The following ARHGEF39 variants were observed in gnomAD, a reference collection of about 807,000 sequenced individuals.
The protein encoded by ARHGEF39 is Rho guanine nucleotide exchange factor 39, also known as Rho guanine nucleotide exchange factor (GEF) 39.
Under a neutral mutation model 47.5 loss-of-function variants are expected in ARHGEF39, and 45 were observed. The observed-to-expected ratio is 0.95, with a 90% confidence interval of 0.75 to 1.22. ARHGEF39 has a LOEUF of 1.22. Among genes scored for constraint, ARHGEF39 ranks in the 50% most tolerant of loss-of-function variants. ARHGEF39 has a pLI of 0.00. For synonymous variants in ARHGEF39, 164 were observed against 167.8 expected, an observed-to-expected ratio of 0.98 and a Z score of 0.17; for missense variants, 411 against 425.3, an observed-to-expected ratio of 0.97 and a Z score of 0.30.
In ARHGEF39 at chr9:35,660,821, T is replaced by G. The variant is rs533224381; in HGVS notation, c.*1166A>C. ...GGACCATCCACGAGCTGCTGCAAGA[T>G]AGCAAGCCGGACAAGGATATGGAGG... On this transcript the variant is annotated 3_prime_UTR_variant, in exon 9 of 9. Transcript: ENST00000378387. 6.2e-7 allele frequency: 1 copy of G among 1,614,160 alleles called. No homozygotes were observed. The highest frequency in any genetic ancestry group is 8.5e-7 in the Non-Finnish European group (1 of 1,180,038).
chr9:35,661,065 G>A lies in ARHGEF39; in HGVS notation c.*922C>T, dbSNP rs763277783. 5 of 1,614,218 alleles carry A rather than the reference G, an allele frequency of 3.1e-6. No homozygotes were observed. In the South Asian group the frequency reaches 3.3e-5, roughly 11 times the overall value. ...GACATGGAACCTAGCTACTTCCTGG[G>A]AGGTGGGGCGGGGACTACGGAGAAG... On this transcript the variant is annotated 3_prime_UTR_variant, in exon 9 of 9. Transcript: ENST00000378387.
rs12351182 is a variant in ARHGEF39, at chr9:35,664,137, G to A, written c.355-11C>T. 0.032 allele frequency: 51,099 copies of A among 1,611,670 alleles called. 1,750 individuals are homozygous for A. The highest frequency in any genetic ancestry group is 0.17 in the African/African-American group (12,361 of 74,910). ...TTTCTTTAGCTGCTCCTGGAGTGAG[G>A]GAGAAAGGATTGGAAGCAGGGAGAG... is the stretch of plus-strand genomic sequence containing the variant. On this transcript the variant is annotated splice_polypyrimidine_tract_variant and intron_variant, in intron 3 of 8. Transcript: ENST00000378387.
chr9:35,663,162 G>A (rs1824060306), intron 5 of ARHGEF39, 88 bp from the exon 6 acceptor site: 2 of 1,601,590 alleles, frequency 1.2e-6, no homozygotes, highest in Admixed American at 1.7e-5. Context: ...AAGGGACCAG[G>A]GTCAGGGTCT....
intron 5 of ARHGEF39, 77 bp downstream of exon 5, chr9:35,663,245 A>G (rs1437418506): frequency 5.1e-6 from 8 of 1,571,132 alleles, no homozygotes; most frequent in Non-Finnish European, 7.0e-6. Context: ...CATACCAGAC[A>G]TTGTTGGAGG....
At position 35,660,750 on chromosome 9, in the gene ARHGEF39, A is replaced by G; in HGVS notation, c.*1237T>C. 6.2e-7 allele frequency: 1 copy of G among 1,613,914 alleles called. No homozygotes were observed. The highest frequency in any genetic ancestry group is 8.5e-7 in the Non-Finnish European group (1 of 1,179,832). Reference sequence around the variant, plus strand: ...ACTGAGTGGACATTTCTTCAGTGTGACTACTCTGGCTGGAGCCCAGCAGGA... The same window carrying G: ...ACTGAGTGGACATTTCTTCAGTGTGGCTACTCTGGCTGGAGCCCAGCAGGA... On this transcript the variant is annotated 3_prime_UTR_variant, in exon 9 of 9. Transcript: ENST00000378387.
At position 35,661,265 on chromosome 9, in the gene ARHGEF39, T is replaced by C. The variant is rs1349064791; in HGVS notation, c.*722A>G. ...TAGGTGCCTAAGGACAACTGGGCCT[T>C]CTTGAAGAGCTGTCCTTATTAGGAC... On this transcript the variant is annotated 3_prime_UTR_variant, in exon 9 of 9. Transcript: ENST00000378387. The C allele has an allele frequency of 2.0e-6, 2 of 1,017,850 alleles. No individual in the cohort carries two copies. The highest frequency in any genetic ancestry group is 3.2e-5 in the African/African-American group (2 of 61,920). 63.1% of individuals were successfully genotyped at this position (1,017,850 alleles called of 1,614,324 possible). A position where few individuals can be genotyped will look rare whatever the true frequency, so the allele number is the denominator to read the frequency against.
Position 35,664,384 on chromosome 9 carries a change from C to A in ARHGEF39, c.342G>T (p.Gln114His). 6.2e-7 allele frequency: 1 copy of A among 1,611,256 alleles called. No individual in the cohort carries two copies. The highest frequency in any genetic ancestry group is 8.5e-7 in the Non-Finnish European group (1 of 1,178,626). ...NQFAANSERS[Q>H]TTLQEQLKKN... ...ATCTCCAGGTTACCTGCAGGGTGGT[C>A]TGGGACCTCTCTGAGTTGGCAGCAA... The change falls in exon 3 of 9, where the codon CAG (glutamine) becomes CAT (histidine). Residue 114 changes from glutamine to histidine, a missense_variant. Gln to His is a conservative substitution (Grantham distance 24, BLOSUM62 0). Coordinates refer to ENST00000378387, the MANE Select transcript of ARHGEF39 (RefSeq NM_032818.3).
Position 35,662,450 on chromosome 9 carries a change from A to C in ARHGEF39, c.903+62T>G. On this transcript the variant is annotated intron_variant, in intron 7 of 8. Transcript: ENST00000378387. ...ATGAAAAGGGACCCAGACCAGGGAG[A>C]TAAACCAGCCCATAAGCATCTGAGA... is the stretch of plus-strand genomic sequence containing the variant. The C allele has an allele frequency of 3.3e-6, 5 of 1,532,738 alleles. 1 individual carries two copies. Among genetic ancestry groups the C allele is most frequent in the Non-Finnish European group, 4.4e-6 (5 of 1,126,210 alleles). The allele number at this position is 1,532,738 out of a possible 1,614,324, so 94.9% of individuals were successfully genotyped here.
intron 5 of ARHGEF39, 107 bp from the exon 6 acceptor site, chr9:35,663,181 G>T: frequency 1.9e-6 from 3 of 1,583,750 alleles, no homozygotes; most frequent in Non-Finnish European, 2.6e-6. Flanking sequence ...CTGACTTCTT[G>T]AAGAAAAGGC....
chr9:35,664,683 G>T, intron 2 of ARHGEF39, 73 bp downstream of exon 2: 1 of 1,519,528 alleles, frequency 6.6e-7, no homozygotes, highest in South Asian at 1.3e-5. Flanking sequence ...ACCTAAGTCT[G>T]ACTCCAAGCT....
In ARHGEF39 at chr9:35,660,360, C is replaced by G. The variant is rs1010088209; in HGVS notation, c.*1627G>C. ...TGGAGACTGAGGTGATGGAGCAGAA[C>G]CTTGTTGCTTCAGTACTGCCCTTTC... On this transcript the variant is annotated 3_prime_UTR_variant, in exon 9 of 9. Coordinates refer to ENST00000378387, the MANE Select transcript of ARHGEF39 (RefSeq NM_032818.3). The G allele has an allele frequency of 6.5e-7, 1 of 1,528,728 alleles. No individual in the cohort carries two copies. Among genetic ancestry groups the G allele is most frequent in the Non-Finnish European group, 8.8e-7 (1 of 1,134,090 alleles). 94.7% of individuals were successfully genotyped at this position (1,528,728 alleles called of 1,614,324 possible).
At chr9:35,663,595 C>T (rs1338065512) in intron 4 of ARHGEF39, among the ~76,000 whole-genome samples, 3 of 152,150 alleles carry the variant, frequency 2.0e-5, no homozygotes. Flanking sequence ...TGAAGAGTCA[C>T]TGGCAGACTA....
rs1451895820 is a variant in ARHGEF39, at chr9:35,665,193, T to G, written c.-24A>C. 6.9e-7 allele frequency: 1 copy of G among 1,453,010 alleles called. No homozygotes were observed. Among genetic ancestry groups the G allele is most frequent in the Non-Finnish European group, 9.1e-7 (1 of 1,100,008 alleles). The allele number at this position is 1,453,010 out of a possible 1,614,324, so 90.0% of individuals were successfully genotyped here. A position where few individuals can be genotyped will look rare whatever the true frequency, so the allele number is the denominator to read the frequency against. On this transcript the variant is annotated 5_prime_UTR_variant, in exon 1 of 9. Coordinates refer to ENST00000378387, the MANE Select transcript of ARHGEF39 (RefSeq NM_032818.3). ...ATGCCCTGGCTGAGGGATCGACACTTCCGGCTGCAGTCCGCGGCAGATTCA... is the reference window on the plus strand; with the variant it reads ...ATGCCCTGGCTGAGGGATCGACACTGCCGGCTGCAGTCCGCGGCAGATTCA...
At position 35,662,205 on chromosome 9, in the gene ARHGEF39, C is replaced by T. The variant is rs755980580; in HGVS notation, c.966G>A (p.Trp322Ter). The T allele has an allele frequency of 1.2e-6, 2 of 1,614,144 alleles. No homozygotes were observed. Among genetic ancestry groups the T allele is most frequent in the South Asian group, 2.2e-5 (2 of 91,082 alleles). ...TGATAGCCCAAGTCAGACTGTGGTA[C>T]CAGCGTGACAGCTCCTCCTGGTCTG... is the stretch of plus-strand genomic sequence containing the variant. ...MSTDQEELSRWYHSLTWAISS... is the reference protein window; with the variant it reads ...MSTDQEELSR The change falls in exon 8 of 9, where the codon TGG becomes TGA. Residue 322 changes from tryptophan (W) to a stop codon, truncating the protein, a stop_gained. Coordinates refer to ENST00000378387, the MANE Select transcript of ARHGEF39 (RefSeq NM_032818.3). LOFTEE classifies it high-confidence loss of function.
intron 5 of ARHGEF39, 123 bp from the exon 6 acceptor site, chr9:35,663,197 A>G (rs774784957): frequency 1.9e-6 from 3 of 1,563,046 alleles, no homozygotes; most frequent in African/African-American, 1.4e-5. Context: ...AAGGCAGAGC[A>G]GTAGGGACAC....
In ARHGEF39 at chr9:35,661,429, G is replaced by A; in HGVS notation, c.*558C>T. The A allele has an allele frequency of 2.2e-6, 1 of 455,708 alleles. No homozygotes were observed. 28.2% of individuals were successfully genotyped at this position (455,708 alleles called of 1,614,324 possible). A position where few individuals can be genotyped will look rare whatever the true frequency, so the allele number is the denominator to read the frequency against. On this transcript the variant is annotated 3_prime_UTR_variant, in exon 9 of 9. Transcript: ENST00000378387. ...TTCTCATAGCAAAACTGAGACAGAA[G>A]GGTCTTTCCCAAAAAAAAGAAAAAA...
At chr9:35,664,697 T>C (rs927268017) in intron 2 of ARHGEF39, 59 bp downstream of exon 2, 2 of 1,548,748 alleles carry the variant, frequency 1.3e-6, no homozygotes, top group East Asian at 2.3e-5. Context: ...CCAAGCTCTG[T>C]GCACGGCCAC....
At position 35,661,141 on chromosome 9, in the gene ARHGEF39, G is replaced by A. The variant is rs1202553060; in HGVS notation, c.*846C>T. Reference sequence around the variant, plus strand: ...CCCAGTCACAGCCTTGGCTGGGAAGGAGGGACGACAGCTGAAGGTCGACTA... The same window carrying A: ...CCCAGTCACAGCCTTGGCTGGGAAGAAGGGACGACAGCTGAAGGTCGACTA... On this transcript the variant is annotated 3_prime_UTR_variant, in exon 9 of 9. Transcript: ENST00000378387. 2.5e-6 allele frequency: 4 copies of A among 1,611,664 alleles called. No individual in the cohort carries two copies. The highest frequency in any genetic ancestry group is 3.4e-6 in the Non-Finnish European group (4 of 1,178,266).
chr9:35,664,238 T>C, intron 3 of ARHGEF39, 112 bp from the exon 4 acceptor site: 6 of 1,493,504 alleles, frequency 4.0e-6, no homozygotes, highest in South Asian at 3.7e-5. Flanking sequence ...AGAGAAACTC[T>C]CGTTTCTCTA....
Sources: gnomAD v4.1 joint callset for allele counts (sites outside exome capture counted in the v4.1 genomes callset) on GRCh38, gnomAD v4.1.1 for gene constraint, MANE v1.5 for transcripts, NCBI Gene and HGNC (gene_info 2026-07-23, HGNC 2026-07-21) for gene names.